Variants in MTHFS observed in about 807,000 individuals in gnomAD.
MTHFS encodes the protein 5-formyltetrahydrofolate cyclo-ligase.
In MTHFS, 7 loss-of-function variants were observed where a neutral mutation model predicts 12.7. The observed-to-expected ratio is 0.55, with a 90% confidence interval of 0.31 to 1.03. The LOEUF (loss-of-function observed/expected upper bound fraction) is 1.03. MTHFS is among the 50% of genes least tolerant of loss of function. MTHFS has a pLI of 0.05. For missense variants in MTHFS, 252 were observed against 258.1 expected (o/e 0.98, Z 0.16); for synonymous variants, 100 against 97.1 (o/e 1.03, Z -0.18).
chr15:79,874,971 G>A lies in MTHFS; in HGVS notation c.379+14122C>T, dbSNP rs1033222745. ...TTTACGAACAATTTGTGCAGTTAAC[G>A]CAATCATCACAGGGTCCTGAGGCGA... On this transcript the variant is annotated intron_variant, in intron 2 of 2. Coordinates refer to ENST00000258874, the MANE Select transcript of MTHFS (RefSeq NM_006441.4). Among the ~76,000 whole-genome samples, 273 of 151,860 alleles carry A rather than the reference G, an allele frequency of 1.8e-3. 3 individuals carry two copies. The highest frequency in any genetic ancestry group is 3.1e-4 in the Non-Finnish European group (21 of 67,986).
chr15:79,890,208 T>C (rs1480259476), intron 1 of MTHFS, among the ~76,000 whole-genome samples: 1 of 15,514 alleles, frequency 6.4e-5, no homozygotes, highest in Non-Finnish European at 2.0e-4. Flanking sequence ...TCTTTTTTCC[T>C]TTTTTTTTTT....
intron 2 of MTHFS, among the ~76,000 whole-genome samples, chr15:79,855,577 T>C (rs2033784073): frequency 6.6e-6 from 1 of 152,188 alleles, no homozygotes; most frequent in African/African-American, 2.4e-5. Flanking sequence ...AGTAAACTCA[T>C]GTCACAGGGG....
intron 1 of MTHFS, among the ~76,000 whole-genome samples, chr15:79,893,121 C>T (rs1182347573): frequency 6.6e-6 from 1 of 151,550 alleles, no homozygotes; most frequent in Non-Finnish European, 1.5e-5. Context: ...ATTACAAAAC[C>T]TGGCCAGGCG....
chr15:79,896,813 G>A, intron 1 of MTHFS, 59 bp downstream of exon 1: 1 of 1,534,884 alleles, frequency 6.5e-7, no homozygotes, highest in Non-Finnish European at 8.7e-7. Context: ...AGCAATCGCT[G>A]GCCGCCAGGC....
In MTHFS at chr15:79,845,453, G is replaced by A. The variant is rs1373525997; in HGVS notation, c.380-11C>T. The A allele has an allele frequency of 6.2e-7, 1 of 1,609,110 alleles. No individual in the cohort carries two copies. The highest frequency in any genetic ancestry group is 1.3e-5 in the African/African-American group (1 of 74,812). ...TGAGATCAAGTCCCCCTGCGGAAAAGAGGAACAAATTTAAGAGGATTAATT... is the reference window on the plus strand; with the variant it reads ...TGAGATCAAGTCCCCCTGCGGAAAAAAGGAACAAATTTAAGAGGATTAATT... On this transcript the variant is annotated splice_polypyrimidine_tract_variant and intron_variant, in intron 2 of 2. Transcript: ENST00000258874.
At chr15:79,859,605 G>C (rs1250548714) in intron 2 of MTHFS, among the ~76,000 whole-genome samples, 2 of 152,070 alleles carry the variant, frequency 1.3e-5, no homozygotes, top group Non-Finnish European at 2.9e-5. Context: ...ATCACCTGAG[G>C]TCAGAAGTTC....
chr15:79,853,512 A>G (rs2033749910), intron 2 of MTHFS, among the ~76,000 whole-genome samples: 1 of 152,258 alleles, frequency 6.6e-6, no homozygotes. Context: ...ATAAAACTCT[A>G]GTAAGTGTTC....
At chr15:79,878,250 C>CG (rs2034234744) in intron 2 of MTHFS, 1 of 151,876 alleles carries the variant, frequency 6.6e-6, no homozygotes, top group African/African-American at 2.4e-5. Flanking sequence ...AGAGAGACCT[C>CG]GGGGTAAACC....
rs2033572225 is a variant in MTHFS at position 79,844,385 on chromosome 15, T to C, written c.*825A>G. ...CAGAGGCAAAATCAACAAGACCTGG[T>C]GACAGGATGGACATGGAGTGTGAGT... On this transcript the variant is annotated 3_prime_UTR_variant, in exon 3 of 3. Transcript: ENST00000258874. The C allele has an allele frequency of 6.6e-6, 1 of 152,302 alleles. No individual in the cohort carries two copies. The highest frequency in any genetic ancestry group is 1.5e-5 in the Non-Finnish European group (1 of 68,010). 9.4% of individuals were successfully genotyped at this position (152,302 alleles called of 1,614,324 possible).
At chr15:79,879,813 C>T (rs892392340) in intron 2 of MTHFS, among the ~76,000 whole-genome samples, 1 of 152,154 alleles carries the variant, frequency 6.6e-6, no homozygotes, top group Non-Finnish European at 1.5e-5. Flanking sequence ...TATATACACA[C>T]AAAACTCTGA....
At chr15:79,848,269 C>T (rs1373850779) in intron 2 of MTHFS, among the ~76,000 whole-genome samples, 1 of 152,098 alleles carries the variant, frequency 6.6e-6, no homozygotes, top group Non-Finnish European at 1.5e-5. Flanking sequence ...CTTTATGATG[C>T]CACTTACATG....
chr15:79,855,137 C>G (rs891455239), intron 2 of MTHFS, among the ~76,000 whole-genome samples: 1 of 152,126 alleles, frequency 6.6e-6, no homozygotes, highest in Non-Finnish European at 1.5e-5. Context: ...AGAAAAAGCA[C>G]CCTGCCAATC....
At chr15:79,845,643 C>T (rs1195839897) in intron 2 of MTHFS, among the ~76,000 whole-genome samples, 1 of 152,174 alleles carries the variant, frequency 6.6e-6, no homozygotes, top group Non-Finnish European at 1.5e-5. Context: ...TCTTATTCAT[C>T]CTCAACAGAT....
At chr15:79,849,223 G>A (rs2033670284) in intron 2 of MTHFS, among the ~76,000 whole-genome samples, 1 of 152,048 alleles carries the variant, frequency 6.6e-6, no homozygotes, top group Admixed American at 6.5e-5. Context: ...GGTTGCTCCT[G>A]GCCTCAGGTC....
chr15:79,885,679 G>A (rs2034369840), intron 2 of MTHFS, among the ~76,000 whole-genome samples: 1 of 152,242 alleles, frequency 6.6e-6, no homozygotes, highest in South Asian at 2.1e-4. Context: ...ATTTCAAGAT[G>A]CCCATTTGGG....
At position 79,889,253 on chromosome 15, in the gene MTHFS, T is replaced by C. The variant is rs148554742; in HGVS notation, c.219A>G (p.Gln73=). Residue 73 remains glutamine (Q), a synonymous_variant, in exon 2 of 3, where the codon CAA becomes CAG. Coordinates refer to ENST00000258874, the MANE Select transcript of MTHFS (RefSeq NM_006441.4). ...ETEEIIKDIF[Q]RGKICFIPRY... ...GAGGGATGAAGCAGATTTTGCCTCG[T>C]TGGAAAATGTCCTTGATGATCTCTT... The C allele has an allele frequency of 4.3e-5, 69 of 1,614,076 alleles. No homozygotes were observed. The highest frequency in any genetic ancestry group is 5.1e-5 in the Non-Finnish European group (60 of 1,180,030).
At chr15:79,852,681 T>C (rs377310105) in intron 2 of MTHFS, among the ~76,000 whole-genome samples, 2 of 152,344 alleles carry the variant, frequency 1.3e-5, no homozygotes, top group African/African-American at 2.4e-5. Flanking sequence ...AGCGACCATA[T>C]TTGTCACAAA....
At chr15:79,861,049 A>G (rs189238766) in intron 2 of MTHFS, among the ~76,000 whole-genome samples, 143 of 152,334 alleles carry the variant, frequency 9.4e-4, no homozygotes, top group African/African-American at 3.3e-3. Context: ...GTTCATGTGG[A>G]ATAGTCATCG....
intron 2 of MTHFS, among the ~76,000 whole-genome samples, chr15:79,867,589 G>GA (rs960977894): frequency 8.1e-5 from 12 of 147,826 alleles, no homozygotes; most frequent in African/African-American, 3.0e-4. Context: ...TGAAAAAATA[G>GA]AAAAAAATGT....
Sources: allele counts gnomAD v4.1 joint callset (sites outside exome capture counted in the v4.1 genomes callset), GRCh38; gene constraint gnomAD v4.1.1; transcripts MANE v1.5; gene names NCBI Gene and HGNC (gene_info 2026-07-23, HGNC 2026-07-21).